ADGRD1: variants seen among roughly 807,000 people sequenced by gnomAD.
ADGRD1 encodes the protein adhesion G protein-coupled receptor D1.
In ADGRD1, 77 loss-of-function variants were observed where a neutral mutation model predicts 113.4. That is an observed-to-expected ratio of 0.68 (90% confidence interval 0.57 to 0.82). ADGRD1 has a LOEUF of 0.82. Ranked by LOEUF, ADGRD1 falls within the 40% of genes least tolerant of loss-of-function variation. The pLI is 0.00. For synonymous variants in ADGRD1, 474 were observed against 475.0 expected (o/e 1.00, Z 0.03); for missense variants, 1,036 against 1,139.1 (o/e 0.91, Z 1.30).
At chr12:131,065,600 G>A (rs568177848) in intron 13 of ADGRD1, among the ~76,000 whole-genome samples, 1 of 152,172 alleles carries the variant, frequency 6.6e-6, no homozygotes, top group African/African-American at 2.4e-5. Flanking sequence ...TCAGGCGAGA[G>A]GCACCCAGGC....
rs1950569262 is a variant in ADGRD1, at chr12:131,120,565, G to A, written c.2109-282G>A. The A allele has an allele frequency of 7.6e-6, 4 of 524,166 alleles. No homozygotes were observed. The Admixed American group carries it at 1.3e-4, about 17-fold the overall frequency. 32.5% of individuals were successfully genotyped at this position (524,166 alleles called of 1,614,324 possible). On this transcript the variant is annotated intron_variant, in intron 19 of 24. Coordinates refer to ENST00000261654, the MANE Select transcript of ADGRD1 (RefSeq NM_198827.5). ...TGCTCTGCAGGAAAGCCAGTCCCCA[G>A]CAAAGGTCTATTTCCTAATGAAATT...
In ADGRD1 at chr12:131,096,073, C is replaced by G. The variant is rs1188586046; in HGVS notation, c.1672-8758C>G. Among the ~76,000 whole-genome samples the G allele has an allele frequency of 2.1e-5, 3 of 139,640 alleles. No individual in the cohort carries two copies. The highest frequency in any genetic ancestry group is 4.7e-5 in the Non-Finnish European group (3 of 63,604). The allele number at this position is 139,640 out of a possible 152,430, so 91.6% of individuals were successfully genotyped here. On this transcript the variant is annotated intron_variant, in intron 15 of 24. Transcript: ENST00000261654. The surrounding 1 kb of genome is among the most constrained non-coding windows in gnomAD (Gnocchi z 5.2). ...CTCCCGGCCCTGCCCAGAGCAGCGG[C>G]CTAGACACGCGCTTGCTTTTCTGTC... is the stretch of plus-strand genomic sequence containing the variant.
At chr12:130,968,152 T>C (rs1460501925) in intron 3 of ADGRD1, 4 of 152,198 alleles carry the variant, frequency 2.6e-5, no homozygotes, top group Non-Finnish European at 5.9e-5. Context: ...CCTGAACTCA[T>C]TGTGGTGGCT....
At chr12:131,056,257 A>G (rs1883849150) in intron 13 of ADGRD1, among the ~76,000 whole-genome samples, 4 of 152,254 alleles carry the variant, frequency 2.6e-5, no homozygotes, top group African/African-American at 9.6e-5. Context: ...GTTGTACTTT[A>G]GTTTACAATC....
intron 13 of ADGRD1, among the ~76,000 whole-genome samples, chr12:131,064,705 T>C (rs753542835): frequency 1.3e-5 from 2 of 152,230 alleles, no homozygotes; most frequent in African/African-American, 2.4e-5. Flanking sequence ...GGATCCCATA[T>C]CTTCTATAGA....
chr12:131,133,186 C>A (rs565003442), intron 21 of ADGRD1, among the ~76,000 whole-genome samples: 34 of 152,138 alleles, frequency 2.2e-4, no homozygotes, highest in Non-Finnish European at 2.5e-4. Flanking sequence ...GCCCTCAGCT[C>A]CCCAGGCCCT....
rs1308681917 is a variant in ADGRD1 at position 130,969,118 on chromosome 12, C to A, written c.188-2340C>A. 6.2e-6 allele frequency: 7 copies of A among 1,128,790 alleles called. No individual in the cohort carries two copies. In the African/African-American group the frequency reaches 9.2e-5, roughly 15 times the overall value. The allele number at this position is 1,128,790 out of a possible 1,614,324, so 69.9% of individuals were successfully genotyped here. The stretch of plus-strand genomic sequence containing the variant: ...GTTCTTCGTTCTGTCAAGTTTGGAT[C>A]TACGATGAATTCTAAGGCCAATTCT... On this transcript the variant is annotated intron_variant, in intron 3 of 24. Transcript: ENST00000261654.
intron 13 of ADGRD1, among the ~76,000 whole-genome samples, chr12:131,021,643 GCAGA>G (rs1457850556): frequency 2.0e-5 from 3 of 152,148 alleles, no homozygotes; most frequent in African/African-American, 7.2e-5. Flanking sequence ...TCCTCGGCTT[GCAGA>G]CAGTGTCTTC....
chr12:131,015,026 A>C (rs903003002), intron 13 of ADGRD1, among the ~76,000 whole-genome samples: 1 of 152,260 alleles, frequency 6.6e-6, no homozygotes, highest in Non-Finnish European at 1.5e-5. Context: ...GTGACACTGA[A>C]AGAGTGAGAT....
chr12:131,056,559 C>T (rs899513434), intron 13 of ADGRD1, among the ~76,000 whole-genome samples: 7 of 152,224 alleles, frequency 4.6e-5, no homozygotes, highest in South Asian at 2.1e-4. Flanking sequence ...ATCACAGCAC[C>T]GATAACATTA....
rs1950394667 is a variant in ADGRD1 at position 131,113,631 on chromosome 12, C to G, written c.2041+4754C>G. On this transcript the variant is annotated intron_variant, in intron 18 of 24. Coordinates refer to ENST00000261654, the MANE Select transcript of ADGRD1 (RefSeq NM_198827.5). This position sits in a 1 kb window ranked among gnomAD's most constrained non-coding sequence, Gnocchi z 4.9. ...TAAATTGTGCTCCCCTCGTGGCTCCCTGGGGAGACTGAAGAGGCCACTTGG... is the reference window on the plus strand; with the variant it reads ...TAAATTGTGCTCCCCTCGTGGCTCCGTGGGGAGACTGAAGAGGCCACTTGG... Among the ~76,000 whole-genome samples the G allele has an allele frequency of 6.6e-6, 1 of 152,198 alleles. No individual in the cohort carries two copies. Among genetic ancestry groups the G allele is most frequent in the African/African-American group, 2.4e-5 (1 of 41,452 alleles).
intron 13 of ADGRD1, among the ~76,000 whole-genome samples, chr12:131,033,789 G>A (rs1881070115): frequency 2.0e-5 from 3 of 152,166 alleles, no homozygotes; most frequent in African/African-American, 4.8e-5. Flanking sequence ...TCATTTCCAC[G>A]GCTGCTGCGT....
intron 13 of ADGRD1, chr12:131,023,451 G>C (rs1049747088): frequency 1.4e-5 from 2 of 144,418 alleles, no homozygotes; most frequent in African/African-American, 5.0e-5. Flanking sequence ...CACTTCCCCA[G>C]GTAAGCCGGT....
Position 131,041,610 on chromosome 12 carries a change from A to T in ADGRD1, c.1473+27270A>T, listed in dbSNP as rs3847691. Among the ~76,000 whole-genome samples the T allele has an allele frequency of 7.2e-5, 11 of 151,946 alleles. No individual in the cohort carries two copies. Among genetic ancestry groups the T allele is most frequent in the Admixed American group, 2.6e-4 (4 of 15,268 alleles). On this transcript the variant is annotated intron_variant, in intron 13 of 24. Coordinates refer to ENST00000261654, the MANE Select transcript of ADGRD1 (RefSeq NM_198827.5). This position sits in a 1 kb window ranked among gnomAD's most constrained non-coding sequence, Gnocchi z 4.4. Reference sequence around the variant, plus strand: ...AAACATCCAGTTATAGCTGGAGAGGAAGGTGTGCAGCTTAATGAGGCTCTG... The same window carrying T: ...AAACATCCAGTTATAGCTGGAGAGGTAGGTGTGCAGCTTAATGAGGCTCTG...
intron 15 of ADGRD1, among the ~76,000 whole-genome samples, chr12:131,090,770 G>A (rs1886855326): frequency 6.6e-6 from 1 of 152,222 alleles, no homozygotes; most frequent in Admixed American, 6.5e-5. Flanking sequence ...AGTGGTTCCG[G>A]AGTGCATGAC....
chr12:131,062,559 C>G (rs1274442726), intron 13 of ADGRD1, among the ~76,000 whole-genome samples: 1 of 152,112 alleles, frequency 6.6e-6, no homozygotes, highest in Non-Finnish European at 1.5e-5. Context: ...GGAGCACTTT[C>G]CCCCATACTG....
chr12:131,108,205 T>A (rs1950274952), intron 17 of ADGRD1, among the ~76,000 whole-genome samples: 1 of 152,200 alleles, frequency 6.6e-6, no homozygotes, highest in African/African-American at 2.4e-5. Flanking sequence ...TCTGGGTAAC[T>A]ACAACTTGGA....
intron 13 of ADGRD1, among the ~76,000 whole-genome samples, chr12:131,031,273 T>C (rs1593076949): frequency 6.6e-6 from 1 of 152,196 alleles, no homozygotes; most frequent in African/African-American, 2.4e-5. Context: ...CAGCCTTGGG[T>C]ACTGCGTGCT....
At position 131,139,307 on chromosome 12, in the gene ADGRD1, C is replaced by T. The variant is rs751380443; in HGVS notation, c.*44C>T. On this transcript the variant is annotated 3_prime_UTR_variant, in exon 25 of 25. Coordinates refer to ENST00000261654, the MANE Select transcript of ADGRD1 (RefSeq NM_198827.5). ...AGGCCAGGCTGCGCTCAGAACACAC[C>T]CCCCCAAACAGAATGAAATGCCCCA... The T allele has an allele frequency of 6.9e-6, 9 of 1,313,058 alleles. No homozygotes were observed. Among genetic ancestry groups the T allele is most frequent in the Non-Finnish European group, 9.8e-6 (9 of 922,782 alleles). 81.3% of individuals were successfully genotyped at this position (1,313,058 alleles called of 1,614,324 possible).
Sources: allele counts gnomAD v4.1 joint callset (sites outside exome capture counted in the v4.1 genomes callset), GRCh38; gene constraint gnomAD v4.1.1; non-coding constraint Gnocchi (gnomAD v3.1); transcripts MANE v1.5; gene names NCBI Gene and HGNC (gene_info 2026-07-23, HGNC 2026-07-21).